SPAST: variants seen among roughly 807,000 people sequenced by gnomAD.
SPAST encodes the protein spastin.
Under a neutral mutation model 76.6 loss-of-function variants are expected in SPAST, and 30 were observed. That is an observed-to-expected ratio of 0.39 (90% confidence interval 0.29 to 0.53). SPAST has a LOEUF of 0.53. Among genes scored for constraint, SPAST ranks in the 20% least tolerant of loss-of-function variants. SPAST has a pLI of 0.68. For missense variants in SPAST, 717 were observed against 770.5 expected (o/e 0.93, Z 0.82); for synonymous variants, 305 against 281.0 (o/e 1.09, Z -0.86).
At chr2:32,102,912 G>C (rs1678181225) in intron 4 of SPAST, among the ~76,000 whole-genome samples, 1 of 152,190 alleles carries the variant, frequency 6.6e-6, no homozygotes, top group African/African-American at 2.4e-5. Context: ...GTTCATCAGG[G>C]ATATTGGTCT....
chr2:32,074,500 T>A (rs1428784233), intron 1 of SPAST, among the ~76,000 whole-genome samples: 1 of 145,776 alleles, frequency 6.9e-6, no homozygotes, highest in South Asian at 2.2e-4. Context: ...CTTTCTCAGC[T>A]TTTTTTTTTG....
chr2:32,121,817 T>C (rs1340186191), intron 7 of SPAST, among the ~76,000 whole-genome samples: 1 of 152,228 alleles, frequency 6.6e-6, no homozygotes, highest in Non-Finnish European at 1.5e-5. Context: ...GTGCTGGGAT[T>C]ACAGGCATGA....
chr2:32,103,736 T>C (rs1678213292), intron 4 of SPAST, among the ~76,000 whole-genome samples: 1 of 152,234 alleles, frequency 6.6e-6, no homozygotes, highest in Non-Finnish European at 1.5e-5. Context: ...CCAGTAGTCA[T>C]TCAGGAGCAG....
chr2:32,127,065 G>A (rs753037900), intron 8 of SPAST, 43 bp downstream of exon 8: 59 of 1,321,562 alleles, frequency 4.5e-5, no homozygotes, highest in Middle Eastern at 1.8e-4. Context: ...TGAGATATTT[G>A]GGATAATATG....
Position 32,121,277 on chromosome 2 carries a change from C to T in SPAST, c.1098+5065C>T, listed in dbSNP as rs183125200. 1.1e-3 allele frequency among the ~76,000 whole-genome samples: 167 copies of T among 151,968 alleles called. 2 individuals are homozygous for T. Among genetic ancestry groups the T allele is most frequent in the African/African-American group, 3.5e-3 (147 of 41,480 alleles). On this transcript the variant is annotated intron_variant, in intron 7 of 16. Transcript: ENST00000315285. Reference sequence around the variant, plus strand: ...AAGCGATTCTCCTGCCTCAGCCTCCCGAGTAGCTGGGATTACAGGCATCTG... The same window carrying T: ...AAGCGATTCTCCTGCCTCAGCCTCCTGAGTAGCTGGGATTACAGGCATCTG...
intron 7 of SPAST, among the ~76,000 whole-genome samples, chr2:32,122,697 T>C (rs988331357): frequency 6.6e-6 from 1 of 151,628 alleles, no homozygotes; most frequent in African/African-American, 2.4e-5. Context: ...CCCAGCACTT[T>C]CAGAGGCCAA....
intron 1 of SPAST, among the ~76,000 whole-genome samples, chr2:32,079,302 G>A (rs1220107063): frequency 2.0e-5 from 3 of 151,866 alleles, no homozygotes; most frequent in South Asian, 2.1e-4. Context: ...TATCACTTGA[G>A]CCCGGGAGTT....
At chr2:32,072,829 G>A (rs1486496579) in intron 1 of SPAST, among the ~76,000 whole-genome samples, 1 of 152,126 alleles carries the variant, frequency 6.6e-6, no homozygotes, top group Non-Finnish European at 1.5e-5. Flanking sequence ...ACTTTGAAAG[G>A]ATTAATTTCA....
intron 7 of SPAST, among the ~76,000 whole-genome samples, chr2:32,125,505 G>C (rs1228313534): frequency 1.3e-5 from 2 of 152,022 alleles, no homozygotes. Flanking sequence ...TTATAGGCGT[G>C]AGCCACTGCG....
chr2:32,116,161 G>C lies in SPAST; in HGVS notation c.1047G>C (p.Leu349Phe), dbSNP rs2148734527. 6.2e-7 allele frequency: 1 copy of C among 1,613,458 alleles called. No homozygotes were observed. Among genetic ancestry groups the C allele is most frequent in the Non-Finnish European group, 8.5e-7 (1 of 1,179,648 alleles). Reference sequence around the variant, plus strand: ...TTGATGATATAGCTGGTCAAGACTTGGCAAAACAAGCATTGCAAGAAATTG... The same window carrying C: ...TTGATGATATAGCTGGTCAAGACTTCGCAAAACAAGCATTGCAAGAAATTG... Reference protein sequence around the residue: ...VKFDDIAGQDLAKQALQEIVI... With the variant: ...VKFDDIAGQDFAKQALQEIVI... Residue 349 changes from leucine (L) to phenylalanine (F), a missense_variant, in exon 7 of 17, where the codon TTG becomes TTC. Physicochemically the swap from Leu to Phe is conservative, Grantham distance 22. Coordinates refer to ENST00000315285, the MANE Select transcript of SPAST (RefSeq NM_014946.4).
chr2:32,141,645 GA>G (rs1171710466), intron 12 of SPAST, among the ~76,000 whole-genome samples: 1 of 152,122 alleles, frequency 6.6e-6, no homozygotes, highest in African/African-American at 2.4e-5. Flanking sequence ...ACTTATATCA[GA>G]TATTTTGTTT....
rs1326013845 is a variant in SPAST, at chr2:32,080,857, C to T, written c.416-6635C>T. 5.0e-5 allele frequency among the ~76,000 whole-genome samples: 7 copies of T among 139,148 alleles called. No homozygotes were observed. In the South Asian group the frequency reaches 7.2e-4, roughly 14 times the overall value. 91.3% of individuals were successfully genotyped at this position (139,148 alleles called of 152,430 possible). A position where few individuals can be genotyped will look rare whatever the true frequency, so the allele number is the denominator to read the frequency against. On this transcript the variant is annotated intron_variant, in intron 1 of 16. Transcript: ENST00000315285. ...TTGCCCAAGCTGCAGTGCCATGGCA[C>T]GATCTCAGCTCGCTGCAACCTCCGC...
At chr2:32,119,553 T>G (rs568105252) in intron 7 of SPAST, among the ~76,000 whole-genome samples, 1 of 152,350 alleles carries the variant, frequency 6.6e-6, no homozygotes, top group South Asian at 2.1e-4. Context: ...AATAAGTGCT[T>G]TAAATCTTGC....
intron 16 of SPAST, among the ~76,000 whole-genome samples, chr2:32,152,701 T>C (rs1472798314): frequency 6.6e-6 from 1 of 151,970 alleles, no homozygotes; most frequent in Admixed American, 6.6e-5. Flanking sequence ...ACAAGTAGGG[T>C]TCATATAGTG....
chr2:32,117,168 G>A (rs1030325103), intron 7 of SPAST, among the ~76,000 whole-genome samples: 1 of 151,994 alleles, frequency 6.6e-6, no homozygotes, highest in East Asian at 1.9e-4. Flanking sequence ...CAGGAGAATC[G>A]CTTGAACCCG....
chr2:32,097,102 T>C (rs988225571), intron 3 of SPAST, among the ~76,000 whole-genome samples: 6 of 152,212 alleles, frequency 3.9e-5, no homozygotes, highest in Admixed American at 3.9e-4. Context: ...TATGTATTCA[T>C]TGACTTGCTG....
intron 16 of SPAST, among the ~76,000 whole-genome samples, chr2:32,149,038 G>T (rs764976617): frequency 6.6e-6 from 1 of 151,206 alleles, no homozygotes; most frequent in African/African-American, 2.4e-5. Context: ...ATAACTATAC[G>T]TTAATCCTTT....
intron 7 of SPAST, among the ~76,000 whole-genome samples, chr2:32,120,844 A>T (rs1245780492): frequency 6.6e-6 from 1 of 152,090 alleles, no homozygotes; most frequent in Non-Finnish European, 1.5e-5. Context: ...ATATTTTGAG[A>T]TGCTGTAGTT....
intron 1 of SPAST, among the ~76,000 whole-genome samples, chr2:32,071,455 C>G (rs2148693675): frequency 6.6e-6 from 1 of 152,234 alleles, no homozygotes. Flanking sequence ...TGAAAAGAGT[C>G]AAACTCTGTA....
Sources: allele counts gnomAD v4.1 joint callset (sites outside exome capture counted in the v4.1 genomes callset), GRCh38; gene constraint gnomAD v4.1.1; transcripts MANE v1.5; gene names NCBI Gene and HGNC (gene_info 2026-07-23, HGNC 2026-07-21).